Variants in WDR72 observed in about 807,000 individuals in gnomAD.
WDR72 encodes the protein WD repeat-containing protein 72.
A neutral mutation model predicts 124.2 loss-of-function variants in WDR72; 120 were observed. The observed-to-expected ratio is 0.97, with a 90% CI of 0.83 to 1.12. WDR72 has a LOEUF of 1.12. Ranked by LOEUF, WDR72 falls within the 50% of genes most tolerant of loss-of-function variation. The probability of loss-of-function intolerance (pLI) is 0.00; values close to 1 mark genes in which losing one functional copy is unlikely to be tolerated. For synonymous variants in WDR72, 452 were observed against 441.7 expected, an observed-to-expected ratio of 1.02 and a Z score of -0.29; for missense variants, 1,387 against 1,278.8, an observed-to-expected ratio of 1.08 and a Z score of -1.29.
intron 6 of WDR72, among the ~76,000 whole-genome samples, chr15:53,714,188 T>C (rs1448786049): frequency 2.0e-5 from 3 of 150,912 alleles, no homozygotes; most frequent in South Asian, 4.2e-4. Context: ...TTTCTGTGTG[T>C]GTGTGTGTGT....
At chr15:53,698,501 A>G (rs1022605175) in intron 13 of WDR72, among the ~76,000 whole-genome samples, 1 of 152,238 alleles carries the variant, frequency 6.6e-6, no homozygotes, top group Non-Finnish European at 1.5e-5. Flanking sequence ...TGTAGGTATT[A>G]GCTCATTTAA....
At chr15:53,564,692 T>C (rs973755356) in intron 18 of WDR72, among the ~76,000 whole-genome samples, 1 of 151,882 alleles carries the variant, frequency 6.6e-6, no homozygotes, top group African/African-American at 2.4e-5. Flanking sequence ...AATGGTATTT[T>C]CTGACCTATC....
intron 18 of WDR72, among the ~76,000 whole-genome samples, chr15:53,570,153 CA>C (rs899261569): frequency 6.6e-6 from 1 of 151,668 alleles, no homozygotes; most frequent in Non-Finnish European, 1.5e-5. Flanking sequence ...TTTTAAGTGA[CA>C]AATAAAAATT....
At chr15:53,675,323 C>T (rs904226270) in intron 13 of WDR72, among the ~76,000 whole-genome samples, 15 of 134,834 alleles carry the variant, frequency 1.1e-4, no homozygotes, top group African/African-American at 4.1e-4. Flanking sequence ...AGCCTTGAGA[C>T]AGAGTGAGAC....
chr15:53,733,244 G>A, intron 1 of WDR72, 83 bp from the exon 2 acceptor site: 1 of 1,470,462 alleles, frequency 6.8e-7, no homozygotes, highest in Non-Finnish European at 9.4e-7. Flanking sequence ...GCAGATTTAT[G>A]ATGACCAAAC....
intron 13 of WDR72, among the ~76,000 whole-genome samples, chr15:53,687,858 T>A (rs893936341): frequency 6.7e-6 from 1 of 149,276 alleles, no homozygotes; most frequent in Non-Finnish European, 1.5e-5. Context: ...AAAAAGCTTA[T>A]CCACCATGAT....
intron 1 of WDR72, among the ~76,000 whole-genome samples, chr15:53,749,225 G>T (rs1042965531): frequency 6.6e-6 from 1 of 152,004 alleles, no homozygotes; most frequent in Non-Finnish European, 1.5e-5. Flanking sequence ...AAATCTATAG[G>T]CACCATTTTT....
intron 1 of WDR72, among the ~76,000 whole-genome samples, chr15:53,744,470 C>T (rs986633510): frequency 4.6e-5 from 7 of 152,154 alleles, no homozygotes; most frequent in African/African-American, 7.2e-5. Context: ...TGCCAGCTCC[C>T]AAACTGTTCT....
chr15:53,588,307 C>T (rs2012324986), intron 18 of WDR72, among the ~76,000 whole-genome samples: 1 of 151,854 alleles, frequency 6.6e-6, no homozygotes, highest in Non-Finnish European at 1.5e-5. Flanking sequence ...CAACTTTTGC[C>T]CTCAAGGAGT....
intron 13 of WDR72, among the ~76,000 whole-genome samples, chr15:53,688,087 C>G (rs1046329734): frequency 2.7e-5 from 4 of 147,948 alleles, no homozygotes; most frequent in Non-Finnish European, 5.9e-5. Flanking sequence ...CTATCTATGA[C>G]AAACCCACAG....
At chr15:53,521,253 T>C (rs573847883) in intron 19 of WDR72, among the ~76,000 whole-genome samples, 1 of 152,256 alleles carries the variant, frequency 6.6e-6, no homozygotes, top group East Asian at 1.9e-4. Flanking sequence ...GGTCATTTTA[T>C]AGGACTGCCC....
chr15:53,616,180 T>C lies in WDR72; in HGVS notation c.2026A>G (p.Asn676Asp). 4 of 1,607,298 alleles carry C rather than the reference T, an allele frequency of 2.5e-6. No homozygotes were observed. The South Asian group carries it at 3.3e-5, about 13-fold the overall frequency. The stretch of plus-strand genomic sequence containing the variant: ...AATAGAAGAATATGAAAGCCAACGT[T>C]ACTCCATTTTGTCTTCACAGGCAAG... ...NVLPVKTKWSNVGFHILLFDL... is the reference protein window; with the variant it reads ...NVLPVKTKWSDVGFHILLFDL... Residue 676 changes from asparagine to aspartate, a missense_variant, in exon 15 of 20, where the codon AAC (asparagine) becomes GAC (aspartate). Physicochemically the swap from Asn to Asp is conservative, Grantham distance 23. Coordinates refer to ENST00000360509, the MANE Select transcript of WDR72 (RefSeq NM_182758.4).
At chr15:53,731,168 G>C (rs557665395) in intron 2 of WDR72, among the ~76,000 whole-genome samples, 1 of 152,034 alleles carries the variant, frequency 6.6e-6, no homozygotes, top group Non-Finnish European at 1.5e-5. Flanking sequence ...TATAGTTCTC[G>C]AGAATTCAAT....
At chr15:53,536,486 G>A (rs1047623303) in intron 18 of WDR72, among the ~76,000 whole-genome samples, 3 of 151,938 alleles carry the variant, frequency 2.0e-5, no homozygotes, top group South Asian at 2.1e-4. Flanking sequence ...GGGGCTCATC[G>A]GTCGACCTCC....
At chr15:53,597,912 A>T (rs919720226) in intron 17 of WDR72, among the ~76,000 whole-genome samples, 8 of 152,148 alleles carry the variant, frequency 5.3e-5, no homozygotes, top group African/African-American at 1.9e-4. Context: ...CATTTTTAAA[A>T]TGAAGAATCT....
rs141109063 is a variant in WDR72, at chr15:53,515,055, GTA to G, written c.*2642_*2643del. The G allele has an allele frequency of 1.0e-5, 1 of 97,144 alleles. No homozygotes were observed. Among genetic ancestry groups the G allele is most frequent in the Non-Finnish European group, 2.4e-5 (1 of 41,040 alleles). The allele number at this position is 97,144 out of a possible 1,614,324, so 6.0% of individuals were successfully genotyped here. A position where few individuals can be genotyped will look rare whatever the true frequency, so the allele number is the denominator to read the frequency against. On this transcript the variant is annotated 3_prime_UTR_variant, in exon 20 of 20. Coordinates refer to ENST00000360509, the MANE Select transcript of WDR72 (RefSeq NM_182758.4). ...CATATATATGTGTATATATATGTGT[GTA>G]TATATATACACACATATATATGTAT...
At chr15:53,529,164 A>ATATATATATATATATATAT (rs59003623) in intron 18 of WDR72, among the ~76,000 whole-genome samples, 1 of 78,168 alleles carries the variant, frequency 1.3e-5, no homozygotes, top group African/African-American at 5.0e-5. Flanking sequence ...ATATATATAT[A>ATATATATATATATATATAT]TTTTTTTTTT....
At chr15:53,517,864 GGAA>G in intron 19 of WDR72, 110 bp from the exon 20 acceptor site, 2 of 1,005,222 alleles carry the variant, frequency 2.0e-6, no homozygotes, top group East Asian at 2.4e-5. Context: ...GATACAGAAA[GGAA>G]GAAGGGAGAG....
In WDR72 at chr15:53,739,499, C is replaced by T. The variant is rs960409613; in HGVS notation, c.-12-6338G>A. On this transcript the variant is annotated intron_variant, in intron 1 of 19. Transcript: ENST00000360509. ...TAGAAACTAGCAGTTTTAACTATTT[C>T]TAAGACAAGAGTTAAATAGATAGTA... 2.6e-5 allele frequency among the ~76,000 whole-genome samples: 4 copies of T among 152,176 alleles called. No homozygotes were observed. In the East Asian group the frequency reaches 5.8e-4, roughly 22 times the overall value.
Sources: gnomAD v4.1 joint callset for allele counts (sites outside exome capture counted in the v4.1 genomes callset) on GRCh38, gnomAD v4.1.1 for gene constraint, MANE v1.5 for transcripts, NCBI Gene and HGNC (gene_info 2026-07-23, HGNC 2026-07-21) for gene names.